Variants in ASTN1 observed in about 807,000 individuals in gnomAD.
ASTN1 encodes astrotactin-1.
Under a neutral mutation model 140.7 loss-of-function variants are expected in ASTN1, and 41 were observed. The ratio of observed to expected loss-of-function variants is 0.29; its 90% confidence interval spans 0.23 to 0.38. The LOEUF (loss-of-function observed/expected upper bound fraction) is 0.38. Ranked by LOEUF, ASTN1 falls within the 10% of genes least tolerant of loss-of-function variation. The probability of loss-of-function intolerance (pLI) is 1.00; values close to 1 mark genes in which losing one functional copy is unlikely to be tolerated. For missense variants in ASTN1, 1,479 were observed against 1,678.8 expected (o/e 0.88, Z 2.08); for synonymous variants, 640 against 652.2 (o/e 0.98, Z 0.29).
chr1:177,129,453 G>A (rs550337131), intron 1 of ASTN1, among the ~76,000 whole-genome samples: 5 of 152,300 alleles, frequency 3.3e-5, no homozygotes, highest in East Asian at 1.9e-4. Context: ...CAATGCCACC[G>A]CCAGATCTAG....
At chr1:177,117,247 A>T (rs991628727) in intron 1 of ASTN1, among the ~76,000 whole-genome samples, 1 of 152,062 alleles carries the variant, frequency 6.6e-6, no homozygotes, top group Non-Finnish European at 1.5e-5. Context: ...AGCTTTCCTC[A>T]GTCCTCCCAT....
chr1:177,064,225 C>T (rs1678235993), intron 1 of ASTN1, among the ~76,000 whole-genome samples: 1 of 152,158 alleles, frequency 6.6e-6, no homozygotes, highest in African/African-American at 2.4e-5. Context: ...GTAGCTAAAT[C>T]CATGTAGTCA....
intron 8 of ASTN1, among the ~76,000 whole-genome samples, chr1:176,991,631 G>A (rs771102356): frequency 1.3e-5 from 2 of 152,134 alleles, no homozygotes; most frequent in Non-Finnish European, 2.9e-5. Flanking sequence ...ATTGTGAGCC[G>A]GGCTGGATTA....
chr1:177,158,437 T>C (rs1028596153), intron 1 of ASTN1, among the ~76,000 whole-genome samples: 5 of 152,206 alleles, frequency 3.3e-5, no homozygotes, highest in African/African-American at 1.2e-4. Flanking sequence ...GAAATTTCCA[T>C]AGACCTTAAC....
intron 8 of ASTN1, among the ~76,000 whole-genome samples, chr1:177,000,710 G>C (rs1332538796): frequency 6.6e-6 from 1 of 152,304 alleles, no homozygotes; most frequent in Non-Finnish European, 1.5e-5. Context: ...CCAAACAAAT[G>C]CAAGTTACAG....
chr1:177,062,715 T>C (rs2102036616), intron 1 of ASTN1, among the ~76,000 whole-genome samples: 1 of 152,350 alleles, frequency 6.6e-6, no homozygotes, highest in East Asian at 1.9e-4. Context: ...TAAGTATTTA[T>C]GGAGCTTACA....
At chr1:177,027,931 C>T (rs1211029897) in intron 5 of ASTN1, among the ~76,000 whole-genome samples, 1 of 151,804 alleles carries the variant, frequency 6.6e-6, no homozygotes, top group African/African-American at 2.4e-5. Flanking sequence ...ATGTTTCTAC[C>T]ACCTATCACA....
intron 2 of ASTN1, 109 bp from the exon 3 acceptor site, chr1:177,032,958 C>A: frequency 7.8e-7 from 1 of 1,280,522 alleles, no homozygotes; most frequent in Non-Finnish European, 1.1e-6. Flanking sequence ...TGCATTCATT[C>A]ATTCAGCTGT....
At chr1:177,125,183 T>C (rs1681581930) in intron 1 of ASTN1, among the ~76,000 whole-genome samples, 2 of 152,190 alleles carry the variant, frequency 1.3e-5, no homozygotes, top group South Asian at 4.1e-4. Context: ...CCACAAGGAA[T>C]GAAGTAGTTA....
At chr1:177,052,647 C>T (rs1239842056) in intron 2 of ASTN1, among the ~76,000 whole-genome samples, 1 of 152,214 alleles carries the variant, frequency 6.6e-6, no homozygotes, top group East Asian at 1.9e-4. Flanking sequence ...CAATCTCAGG[C>T]TTCTTTGCAA....
chr1:177,035,662 T>C (rs1676678038), intron 2 of ASTN1, among the ~76,000 whole-genome samples: 1 of 152,204 alleles, frequency 6.6e-6, no homozygotes, highest in Non-Finnish European at 1.5e-5. Flanking sequence ...ATGTGTACTT[T>C]CTTTCAACTT....
At chr1:176,972,773 T>G (rs577900085) in intron 8 of ASTN1, among the ~76,000 whole-genome samples, 1 of 152,338 alleles carries the variant, frequency 6.6e-6, no homozygotes, top group Admixed American at 6.5e-5. Flanking sequence ...TATTTATAAT[T>G]TTTTATACAG....
At chr1:176,930,621 T>C (rs1671168074) in intron 16 of ASTN1, among the ~76,000 whole-genome samples, 2 of 152,170 alleles carry the variant, frequency 1.3e-5, no homozygotes, top group South Asian at 4.1e-4. Context: ...AAAGCTGCCC[T>C]GGTAAAGAGG....
In ASTN1 at chr1:176,943,904, A is replaced by T; in HGVS notation, c.2364T>A (p.Pro788=). Residue 788 remains proline, a synonymous_variant, in exon 14 of 23, where the codon CCT becomes CCA. Transcript: ENST00000361833. Reference sequence around the variant, plus strand: ...AGGCACACTCACCAGTCAGGAAGTCAGGGTCAGGGGTGGGCTCCGAGATCT... The same window carrying T: ...AGGCACACTCACCAGTCAGGAAGTCTGGGTCAGGGGTGGGCTCCGAGATCT... The part of the protein sequence containing the change: ...LEEISEPTPD[P]DFLTGMVNFS... The T allele has an allele frequency of 6.2e-7, 1 of 1,606,320 alleles. No homozygotes were observed. The highest frequency in any genetic ancestry group is 1.1e-5 in the South Asian group (1 of 90,180).
Position 177,032,684 on chromosome 1 carries a change from C to T in ASTN1, c.637G>A (p.Gly213Arg), listed in dbSNP as rs1345907735. The change falls in exon 3 of 23, where the codon GGA (glycine) becomes AGA (arginine). Residue 213 changes from glycine (G) to arginine (R), a missense_variant. Coordinates refer to ENST00000361833, the MANE Select transcript of ASTN1 (RefSeq NM_004319.3). Reference protein sequence around the residue: ...YIPSVLIGGHGRESLRNARVQ... With the variant: ...YIPSVLIGGHRRESLRNARVQ... Reference sequence around the variant, plus strand: ...CGGGCATTGCGCAGGCTCTCCCGTCCGTGCCCGCCGATCAGCACAGAAGGA... The same window carrying T: ...CGGGCATTGCGCAGGCTCTCCCGTCTGTGCCCGCCGATCAGCACAGAAGGA... The T allele has an allele frequency of 3.1e-6, 5 of 1,614,104 alleles. No individual in the cohort carries two copies. The highest frequency in any genetic ancestry group is 1.7e-5 in the Admixed American group (1 of 60,024).
At chr1:177,068,522 A>T (rs554343742) in intron 1 of ASTN1, among the ~76,000 whole-genome samples, 1 of 152,278 alleles carries the variant, frequency 6.6e-6, no homozygotes, top group South Asian at 2.1e-4. Flanking sequence ...GATGAGAAAC[A>T]ATGGCAGGTT....
At position 176,861,723 on chromosome 1, in the gene ASTN1, G is replaced by A; in HGVS notation, c.*2561C>T. 1 of 985,410 alleles carries A rather than the reference G, an allele frequency of 1.0e-6. No homozygotes were observed. The highest frequency in any genetic ancestry group is 4.7e-5 in the South Asian group (1 of 21,286). 61.0% of individuals were successfully genotyped at this position (985,410 alleles called of 1,614,324 possible). A position where few individuals can be genotyped will look rare whatever the true frequency, so the allele number is the denominator to read the frequency against. On this transcript the variant is annotated 3_prime_UTR_variant, in exon 23 of 23. Coordinates refer to ENST00000361833, the MANE Select transcript of ASTN1 (RefSeq NM_004319.3). ...GTACATACATACACACATTCAGTGG[G>A]GAGAACTCAACGAGAAACAGGAGGA...
chr1:176,927,643 G>A (rs150569037), intron 16 of ASTN1, among the ~76,000 whole-genome samples: 74 of 152,222 alleles, frequency 4.9e-4, no homozygotes, highest in African/African-American at 1.6e-3. Context: ...TTAACAAAAT[G>A]TGGATGTTAA....
At chr1:176,898,626 T>A (rs904785232) in intron 16 of ASTN1, among the ~76,000 whole-genome samples, 1 of 152,172 alleles carries the variant, frequency 6.6e-6, no homozygotes. Flanking sequence ...CCTAAAAGCT[T>A]CAGGAGAGGC....
Sources: allele counts gnomAD v4.1 joint callset (sites outside exome capture counted in the v4.1 genomes callset), GRCh38; gene constraint gnomAD v4.1.1; transcripts MANE v1.5; gene names NCBI Gene and HGNC (gene_info 2026-07-23, HGNC 2026-07-21).